The following CDK13 variants were observed in gnomAD, a reference collection of about 807,000 sequenced individuals.
The protein encoded by CDK13 is cyclin dependent kinase 13.
A neutral mutation model predicts 137.6 loss-of-function variants in CDK13; 40 were observed. The observed-to-expected ratio is 0.29, with a 90% CI of 0.23 to 0.38. The LOEUF (loss-of-function observed/expected upper bound fraction) is 0.38, where lower values mean the gene tolerates loss of function less well. CDK13 is among the 10% of genes least tolerant of loss of function. CDK13 has a pLI of 1.00. For synonymous variants in CDK13, 869 were observed against 760.1 expected (o/e 1.14, Z -2.36); for missense variants, 1,704 against 1,951.8 (o/e 0.87, Z 2.39).
intron 1 of CDK13, among the ~76,000 whole-genome samples, chr7:39,978,329 CACAG>C (rs1204062589): frequency 6.6e-6 from 1 of 152,154 alleles, no homozygotes; most frequent in Non-Finnish European, 1.5e-5. Context: ...CCAACATTAT[CACAG>C]ACAGTGACGT....
intron 5 of CDK13, among the ~76,000 whole-genome samples, chr7:40,032,167 C>A (rs921049788): frequency 1.3e-5 from 2 of 152,146 alleles, no homozygotes; most frequent in Non-Finnish European, 2.9e-5. Flanking sequence ...AGCCGTCTTC[C>A]CACCTCAGCC....
intron 6 of CDK13, among the ~76,000 whole-genome samples, chr7:40,046,764 G>A (rs1182024782): frequency 6.6e-6 from 1 of 151,568 alleles, no homozygotes; most frequent in East Asian, 1.9e-4. Flanking sequence ...CACTTTGGGA[G>A]GATGAGGCAG....
chr7:39,951,927 C>A, intron 1 of CDK13, 75 bp downstream of exon 1: 1 of 1,304,804 alleles, frequency 7.7e-7, no homozygotes, highest in Non-Finnish European at 9.8e-7. Context: ...AAAGTGGTGC[C>A]CGGGTCCTCA....
Position 39,950,392 on chromosome 7 carries a change from G to A in CDK13, c.-250G>A. The stretch of plus-strand genomic sequence containing the variant: ...GTGTTTTCGCTGCCGAGGATAGGAC[G>A]ACGAGCGCAATCGGGAGCTCCGCCG... On this transcript the variant is annotated 5_prime_UTR_variant, in exon 1 of 14. Transcript: ENST00000181839. The A allele has an allele frequency of 8.2e-7, 1 of 1,226,584 alleles. No homozygotes were observed. 76.0% of individuals were successfully genotyped at this position (1,226,584 alleles called of 1,614,324 possible).
At chr7:40,012,129 CCAA>C (rs199735141) in intron 5 of CDK13, among the ~76,000 whole-genome samples, 1 of 152,000 alleles carries the variant, frequency 6.6e-6, no homozygotes, top group Admixed American at 6.5e-5. Context: ...CAAAACACCA[CCAA>C]CAACAACAAA....
chr7:40,093,940 G>C (rs1786984243), intron 13 of CDK13, among the ~76,000 whole-genome samples, 190 bp from the exon 14 acceptor site: 1 of 147,932 alleles, frequency 6.8e-6, no homozygotes, highest in Admixed American at 6.7e-5. Flanking sequence ...TTTTTTTAAA[G>C]AGAAGCCATA....
intron 1 of CDK13, among the ~76,000 whole-genome samples, chr7:39,960,263 TGA>T (rs1787570145): frequency 6.6e-6 from 1 of 151,976 alleles, no homozygotes. Context: ...CTTTTTTTTT[TGA>T]GATGGAGTCT....
rs1454220995 is a variant in CDK13 at position 40,078,093 on chromosome 7, C to T, written c.2869C>T (p.Arg957Cys). 1.3e-6 allele frequency: 2 copies of T among 1,595,012 alleles called. No individual in the cohort carries two copies. The highest frequency in any genetic ancestry group is 2.3e-5 in the East Asian group (1 of 43,744). ...FNTMKPKKQYRRKLREEFVFI... is the reference protein window; with the variant it reads ...FNTMKPKKQYCRKLREEFVFI... ...CACCATGAAACCAAAGAAGCAATATCGTCGAAAGTTAAGAGAAGAATTTGT... is the reference window on the plus strand; with the variant it reads ...CACCATGAAACCAAAGAAGCAATATTGTCGAAAGTTAAGAGAAGAATTTGT... The change falls in exon 10 of 14, where the codon CGT (arginine) becomes TGT (cysteine). Residue 957 changes from arginine (R) to cysteine (C), a missense_variant. Transcript: ENST00000181839.
intron 1 of CDK13, among the ~76,000 whole-genome samples, chr7:39,958,871 C>T (rs1787512588): frequency 6.6e-6 from 1 of 152,178 alleles, no homozygotes; most frequent in African/African-American, 2.4e-5. Context: ...TACAAATTTA[C>T]ATTTCCCAAC....
At chr7:39,983,387 C>G (rs1462585266) in intron 1 of CDK13, among the ~76,000 whole-genome samples, 1 of 152,170 alleles carries the variant, frequency 6.6e-6, no homozygotes, top group Non-Finnish European at 1.5e-5. Flanking sequence ...TCCCAAAGTG[C>G]TGGGATTACA....
chr7:40,009,930 A>T (rs1784861721), intron 5 of CDK13, among the ~76,000 whole-genome samples: 1 of 152,158 alleles, frequency 6.6e-6, no homozygotes, highest in Non-Finnish European at 1.5e-5. Flanking sequence ...AACTGTCTTT[A>T]GTTTGTGTGT....
chr7:40,081,825 T>C (rs1786669127), intron 11 of CDK13, among the ~76,000 whole-genome samples: 1 of 152,170 alleles, frequency 6.6e-6, no homozygotes, highest in South Asian at 2.1e-4. Context: ...TTGGTCAGGC[T>C]GGTCTCGAAC....
intron 1 of CDK13, among the ~76,000 whole-genome samples, chr7:39,980,570 C>T (rs1444478983): frequency 6.6e-6 from 1 of 152,106 alleles, no homozygotes; most frequent in Non-Finnish European, 1.5e-5. Flanking sequence ...CTGCTATTAG[C>T]ATGAGAAATA....
chr7:40,030,191 ACCT>A (rs1785340707), intron 5 of CDK13, among the ~76,000 whole-genome samples: 1 of 151,916 alleles, frequency 6.6e-6, no homozygotes, highest in South Asian at 2.1e-4. Flanking sequence ...GAACAGAAGT[ACCT>A]CACCATTGAA....
chr7:39,954,006 T>A (rs1020013625), intron 1 of CDK13, among the ~76,000 whole-genome samples: 2 of 152,240 alleles, frequency 1.3e-5, no homozygotes, highest in African/African-American at 4.8e-5. Flanking sequence ...CTTACAGAAA[T>A]ATTTAAGGTC....
intron 5 of CDK13, among the ~76,000 whole-genome samples, chr7:40,020,328 A>G (rs1378599500): frequency 6.6e-6 from 1 of 152,170 alleles, no homozygotes; most frequent in Non-Finnish European, 1.5e-5. Context: ...TCCTCCCGGC[A>G]AAGCTCTGGG....
chr7:40,067,223 T>TA (rs747246069), intron 9 of CDK13: 1 of 152,210 alleles, frequency 6.6e-6, no homozygotes, highest in Non-Finnish European at 1.5e-5. Flanking sequence ...TGCTAGGTGT[T>TA]ACCTTAGGAT....
At chr7:40,023,504 C>CT (rs70996872) in intron 5 of CDK13, among the ~76,000 whole-genome samples, 42,583 of 145,266 alleles carry the variant, frequency 0.29, 7,368 homozygotes, top group Middle Eastern at 0.46. Context: ...GGATTGATCT[C>CT]TTTTTTTTTT....
intron 5 of CDK13, among the ~76,000 whole-genome samples, chr7:40,036,873 C>T (rs575986731): frequency 1.1e-3 from 169 of 152,224 alleles, no homozygotes; most frequent in Admixed American, 1.9e-3. Context: ...TTTATGTCAT[C>T]TAATGATATA....
Sources: gnomAD v4.1 joint callset for allele counts (sites outside exome capture counted in the v4.1 genomes callset) on GRCh38, gnomAD v4.1.1 for gene constraint, MANE v1.5 for transcripts, NCBI Gene and HGNC (gene_info 2026-07-23, HGNC 2026-07-21) for gene names.